KCNMB4: variants seen among roughly 807,000 people sequenced by gnomAD.
KCNMB4 encodes the protein potassium calcium-activated channel subfamily M regulatory beta subunit 4.
KCNMB4 carries 3 observed loss-of-function variants against 20.7 expected under a neutral mutation model. The observed-to-expected ratio is 0.14, with a 90% confidence interval of 0.07 to 0.37. The LOEUF (loss-of-function observed/expected upper bound fraction) is 0.37, where lower values mean the gene tolerates loss of function less well. Among genes scored for constraint, KCNMB4 ranks in the 10% least tolerant of loss-of-function variants. The probability of loss-of-function intolerance (pLI) is 1.00; values close to 1 mark genes in which losing one functional copy is unlikely to be tolerated. For missense variants in KCNMB4, 168 were observed against 265.9 expected, an observed-to-expected ratio of 0.63 and a Z score of 2.56; for synonymous variants, 110 against 113.4, an observed-to-expected ratio of 0.97 and a Z score of 0.19.
At position 70,394,798 on chromosome 12, in the gene KCNMB4, C is replaced by T. The variant is rs919065129; in HGVS notation, c.337-5411C>T. 1.3e-4 allele frequency among the ~76,000 whole-genome samples: 20 copies of T among 152,236 alleles called. No homozygotes were observed. The Middle Eastern group carries it at 0.014, about 104-fold the overall frequency. Reference sequence around the variant, plus strand: ...CCTCCCACTTCAGCTTTCTGAGTAGCGGTGACTACAGGTGTGTACTACCAT... The same window carrying T: ...CCTCCCACTTCAGCTTTCTGAGTAGTGGTGACTACAGGTGTGTACTACCAT... On this transcript the variant is annotated intron_variant, in intron 1 of 2. Transcript: ENST00000258111.
intron 2 of KCNMB4, among the ~76,000 whole-genome samples, chr12:70,407,269 G>GCC (rs1005483013): frequency 1.3e-5 from 2 of 151,960 alleles, no homozygotes; most frequent in Non-Finnish European, 2.9e-5. Flanking sequence ...TGAGCAAGGG[G>GCC]CCCTCTCCAG....
At chr12:70,412,469 A>G (rs532485449) in intron 2 of KCNMB4, among the ~76,000 whole-genome samples, 1 of 152,302 alleles carries the variant, frequency 6.6e-6, no homozygotes, top group Admixed American at 6.5e-5. Context: ...GCATCTGAAT[A>G]TGTTTATAAC....
chr12:70,397,365 C>G (rs1354779637), intron 1 of KCNMB4, among the ~76,000 whole-genome samples: 1 of 152,104 alleles, frequency 6.6e-6, no homozygotes, highest in Non-Finnish European at 1.5e-5. Context: ...AAAATTCTTT[C>G]CAGGCAATGT....
At chr12:70,379,420 G>A (rs1038177223) in intron 1 of KCNMB4, among the ~76,000 whole-genome samples, 6 of 152,042 alleles carry the variant, frequency 3.9e-5, no homozygotes, top group African/African-American at 1.5e-4. Flanking sequence ...GCTTCACTTT[G>A]CACTTTTTTT....
intron 1 of KCNMB4, among the ~76,000 whole-genome samples, chr12:70,381,677 T>A (rs2136119762): frequency 6.6e-6 from 1 of 152,306 alleles, no homozygotes; most frequent in Non-Finnish European, 1.5e-5. Context: ...GAAGGAAATC[T>A]ATAGAGACTG....
intron 1 of KCNMB4, among the ~76,000 whole-genome samples, chr12:70,374,078 G>A (rs1232288111): frequency 6.6e-6 from 1 of 152,178 alleles, no homozygotes; most frequent in Non-Finnish European, 1.5e-5. Flanking sequence ...ATTTGTGGAT[G>A]TCATTTATGA....
At chr12:70,417,208 T>C (rs1172783509) in intron 2 of KCNMB4, among the ~76,000 whole-genome samples, 3 of 152,174 alleles carry the variant, frequency 2.0e-5, no homozygotes, top group African/African-American at 7.2e-5. Context: ...AGGGAACAAA[T>C]TACTGTGAGA....
At chr12:70,396,923 C>T (rs1050678604) in intron 1 of KCNMB4, among the ~76,000 whole-genome samples, 1 of 152,190 alleles carries the variant, frequency 6.6e-6, no homozygotes, top group African/African-American at 2.4e-5. Context: ...TGTAAAAATT[C>T]TGGCAATCTA....
intron 1 of KCNMB4, among the ~76,000 whole-genome samples, chr12:70,392,141 A>G (rs971031369): frequency 3.3e-5 from 5 of 152,228 alleles, no homozygotes; most frequent in Non-Finnish European, 7.3e-5. Flanking sequence ...AGTACACAAT[A>G]TAGCTACAAA....
intron 2 of KCNMB4, among the ~76,000 whole-genome samples, chr12:70,410,614 T>C (rs751652536): frequency 1.5e-4 from 23 of 152,242 alleles, no homozygotes; most frequent in Non-Finnish European, 3.2e-4. Flanking sequence ...GCTTCTGTTT[T>C]GGTTTTGTAA....
chr12:70,389,283 C>T (rs1302421040), intron 1 of KCNMB4, among the ~76,000 whole-genome samples: 1 of 151,992 alleles, frequency 6.6e-6, no homozygotes, highest in African/African-American at 2.4e-5. Flanking sequence ...TCCTGTGTAC[C>T]TTTCTCTTAT....
At chr12:70,376,374 A>T (rs1004749850) in intron 1 of KCNMB4, among the ~76,000 whole-genome samples, 8 of 152,272 alleles carry the variant, frequency 5.3e-5, no homozygotes, top group South Asian at 2.1e-4. Flanking sequence ...AAGAAATAAA[A>T]GGCAACCAGA....
chr12:70,390,957 C>G (rs1868294150), intron 1 of KCNMB4, among the ~76,000 whole-genome samples: 1 of 152,192 alleles, frequency 6.6e-6, no homozygotes. Flanking sequence ...CTATACTACT[C>G]TGCTACATGT....
intron 2 of KCNMB4, among the ~76,000 whole-genome samples, chr12:70,423,085 C>G (rs1869113178): frequency 6.6e-6 from 1 of 152,098 alleles, no homozygotes; most frequent in Non-Finnish European, 1.5e-5. Flanking sequence ...ATTTGTAGTC[C>G]TAATCATGGG....
chr12:70,401,959 G>A (rs1868464650), intron 2 of KCNMB4, among the ~76,000 whole-genome samples: 3 of 152,132 alleles, frequency 2.0e-5, no homozygotes, highest in African/African-American at 7.2e-5. Context: ...ATGAGGTTCT[G>A]GAGTAGGCTT....
At chr12:70,380,616 G>C (rs980609431) in intron 1 of KCNMB4, among the ~76,000 whole-genome samples, 2 of 150,478 alleles carry the variant, frequency 1.3e-5, no homozygotes, top group African/African-American at 4.9e-5. Flanking sequence ...AATAAGGATG[G>C]ACCTACCAAC....
chr12:70,382,457 A>AAAT (rs1555211295), intron 1 of KCNMB4, among the ~76,000 whole-genome samples: 2 of 129,052 alleles, frequency 1.5e-5, no homozygotes, highest in Admixed American at 7.9e-5. Flanking sequence ...AAAAAAAAAA[A>AAAT]TTTAAAGGTA....
intron 1 of KCNMB4, among the ~76,000 whole-genome samples, chr12:70,379,530 C>T (rs1418952359): frequency 6.6e-6 from 1 of 152,136 alleles, no homozygotes; most frequent in Admixed American, 6.5e-5. Flanking sequence ...CATCCTCCCA[C>T]CTCAGCCTCC....
chr12:70,400,699 G>C (rs567064551), intron 2 of KCNMB4, among the ~76,000 whole-genome samples: 3 of 152,180 alleles, frequency 2.0e-5, no homozygotes, highest in Admixed American at 2.0e-4. Context: ...CGTCAATAAC[G>C]TGAGTTCACA....
Sources: gnomAD v4.1 joint callset for allele counts (sites outside exome capture counted in the v4.1 genomes callset) on GRCh38, gnomAD v4.1.1 for gene constraint, MANE v1.5 for transcripts, NCBI Gene and HGNC (gene_info 2026-07-23, HGNC 2026-07-21) for gene names.